RBFA: variants seen among roughly 807,000 people sequenced by gnomAD.
The protein encoded by RBFA is ribosome binding factor A.
In RBFA, 16 loss-of-function variants were observed where a neutral mutation model predicts 27.9. The observed-to-expected ratio is 0.57, with a 90% CI of 0.39 to 0.87. The LOEUF (loss-of-function observed/expected upper bound fraction) is 0.87. Among genes scored for constraint, RBFA ranks in the 40% least tolerant of loss-of-function variants. RBFA has a pLI of 0.00. For missense variants in RBFA, 456 were observed against 432.1 expected (o/e 1.06, Z -0.49); for synonymous variants, 181 against 181.0 (o/e 1.00, Z 0.00).
chr18:80,042,391 A>C (rs147499899), intron 5 of RBFA, among the ~76,000 whole-genome samples, 172 bp downstream of exon 5: 93 of 152,246 alleles, frequency 6.1e-4, no homozygotes, highest in African/African-American at 2.1e-3. Context: ...GGGCCCAGGT[A>C]ATAATTAACT....
chr18:80,039,033 G>A (rs2051999998), intron 4 of RBFA, among the ~76,000 whole-genome samples: 1 of 152,254 alleles, frequency 6.6e-6, no homozygotes, highest in Non-Finnish European at 1.5e-5. Context: ...TCCCAGATGA[G>A]GCTGGACATG....
intron 3 of RBFA, 73 bp from the exon 4 acceptor site, chr18:80,038,432 C>A: frequency 2.8e-6 from 3 of 1,061,976 alleles, no homozygotes; most frequent in East Asian, 2.5e-5. Context: ...CTGTCGTTTT[C>A]ATCTCCTGGA....
chr18:80,038,606 C>G lies in RBFA; in HGVS notation c.480C>G (p.Ala160=). The G allele has an allele frequency of 1.2e-6, 2 of 1,612,452 alleles. No homozygotes were observed. Among genetic ancestry groups the G allele is most frequent in the Non-Finnish European group, 8.5e-7 (1 of 1,178,724 alleles). ...AHMEAVLQRS[A]AHMRHLLMSQ... is the part of the protein sequence containing the mutation. ...TGGAGGCTGTCCTGCAGAGAAGTGC[C>G]GCGCACATGAGGTGATGACCTTTGC... Residue 160 remains alanine (A), a synonymous_variant, in exon 4 of 7, where the codon GCC becomes GCG. Transcript: ENST00000306735.
intron 4 of RBFA, chr18:80,041,191 C>T (rs1200940679): frequency 1.3e-5 from 2 of 152,124 alleles, no homozygotes; most frequent in Admixed American, 6.5e-5. Flanking sequence ...TTAACAAAAG[C>T]AAGAAAATGA....
At chr18:80,037,169 C>T (rs370992984) in intron 2 of RBFA, 161 bp from the exon 3 acceptor site, 240 of 548,652 alleles carry the variant, frequency 4.4e-4, no homozygotes, top group African/African-American at 4.0e-3. Flanking sequence ...AAAAGGATCC[C>T]GGTTTATAAA....
Position 80,048,526 on chromosome 18 carries a change from G to A in RBFA, c.*2371G>A, listed in dbSNP as rs1468234009. On this transcript the variant is annotated 3_prime_UTR_variant, in exon 7 of 7. Coordinates refer to ENST00000306735, the MANE Select transcript of RBFA (RefSeq NM_024805.3). Reference sequence around the variant, plus strand: ...CAGGTCCTTCTAGCACATCTGACAGGGACTAGTGTCTAGAGCCATGAGGAC... The same window carrying A: ...CAGGTCCTTCTAGCACATCTGACAGAGACTAGTGTCTAGAGCCATGAGGAC... 1.3e-5 allele frequency among the ~76,000 whole-genome samples: 2 copies of A among 152,162 alleles called. No homozygotes were observed. The highest frequency in any genetic ancestry group is 1.3e-4 in the Admixed American group (2 of 15,280).
chr18:80,034,668 G>T lies in RBFA; in HGVS notation c.158+15G>T. 6.2e-7 allele frequency: 1 copy of T among 1,607,052 alleles called. No homozygotes were observed. The highest frequency in any genetic ancestry group is 2.3e-5 in the East Asian group (1 of 43,930). On this transcript the variant is annotated intron_variant, in intron 1 of 6. Coordinates refer to ENST00000306735, the MANE Select transcript of RBFA (RefSeq NM_024805.3). Reference sequence around the variant, plus strand: ...TCGAAAACCAAGTAATGCGGCGGGGGCGGTGTCCCTGGGCGCGGTATTCCC... The same window carrying T: ...TCGAAAACCAAGTAATGCGGCGGGGTCGGTGTCCCTGGGCGCGGTATTCCC...
chr18:80,038,083 G>A (rs1235520249), intron 3 of RBFA, among the ~76,000 whole-genome samples: 2 of 152,180 alleles, frequency 1.3e-5, no homozygotes, highest in Admixed American at 1.3e-4. Flanking sequence ...ATAGTAGAAG[G>A]TCTAAGCCTG....
Position 80,047,610 on chromosome 18 carries a change from T to C in RBFA, c.*1455T>C, listed in dbSNP as rs8099633. 0.77 allele frequency among the ~76,000 whole-genome samples: 116,378 copies of C among 152,110 alleles called. 45,187 individuals carry two copies. The highest frequency in any genetic ancestry group is 0.91 in the East Asian group (4,741 of 5,190). On this transcript the variant is annotated 3_prime_UTR_variant, in exon 7 of 7. Transcript: ENST00000306735. ...TCCTATATCAGGATGGGGAGGCCACTACCTCAGGCCAGTTAAACTAAGAAG... is the reference window on the plus strand; with the variant it reads ...TCCTATATCAGGATGGGGAGGCCACCACCTCAGGCCAGTTAAACTAAGAAG...
Position 80,045,847 on chromosome 18 carries a change from GA to G in RBFA, c.725del (p.Glu242GlyfsTer30), listed in dbSNP as rs1568390304. The G allele has an allele frequency of 2.5e-6, 4 of 1,577,264 alleles. No individual in the cohort carries two copies. The South Asian group carries it at 4.8e-5, about 19-fold the overall frequency. On this transcript the variant is annotated frameshift_variant, in exon 7 of 7. Coordinates refer to ENST00000306735, the MANE Select transcript of RBFA (RefSeq NM_024805.3). LOFTEE classifies it low-confidence loss of function (END_TRUNC). ...TSSSLCGIDH[E>X]ALNKQIMEYK... ...CTCCAGTCTGTGTGGGATCGATCAT[GA>G]GGCGCTCAACAAGCAGATTATGGAG...
chr18:80,037,878 G>A (rs1195404678), intron 3 of RBFA, among the ~76,000 whole-genome samples: 1 of 117,406 alleles, frequency 8.5e-6, no homozygotes, highest in Non-Finnish European at 1.9e-5. Flanking sequence ...GACAGAGCGA[G>A]ACTCCATCTC....
intron 4 of RBFA, 46 bp from the exon 5 acceptor site, chr18:80,042,089 G>A: frequency 7.0e-7 from 1 of 1,422,026 alleles, no homozygotes; most frequent in Non-Finnish European, 9.7e-7. Context: ...CCTCTCCACT[G>A]AGTGTCACGG....
Position 80,043,683 on chromosome 18 carries a change from T to G in RBFA, c.577-529T>G, listed in dbSNP as rs539254032. On this transcript the variant is annotated intron_variant, in intron 5 of 6. Coordinates refer to ENST00000306735, the MANE Select transcript of RBFA (RefSeq NM_024805.3). ...ATAGGCAGGCAGGGTTCGGGTGGAA[T>G]GCATTGTCCAGCAGGGCTTGTGGGC... is the stretch of plus-strand genomic sequence containing the variant. Among the ~76,000 whole-genome samples, 3 of 152,310 alleles carry G rather than the reference T, an allele frequency of 2.0e-5. No homozygotes were observed. In the South Asian group the frequency reaches 6.2e-4, roughly 32 times the overall value.
At position 80,044,162 on chromosome 18, in the gene RBFA, A is replaced by C. The variant is rs112813161; in HGVS notation, c.577-50A>C. On this transcript the variant is annotated intron_variant, in intron 5 of 6. Transcript: ENST00000306735. ...TGTTACGTGGAGCCCGGCTGTAAGT[A>C]TGGTGGTGGGGATGTGGCTAACGGG... 329 of 1,466,426 alleles carry C rather than the reference A, an allele frequency of 2.2e-4. 2 individuals are homozygous for C. In the African/African-American group the frequency reaches 3.9e-3, roughly 17 times the overall value. 90.8% of individuals were successfully genotyped at this position (1,466,426 alleles called of 1,614,324 possible).
chr18:80,034,956 C>A (rs1482804151), intron 1 of RBFA: 1 of 346,268 alleles, frequency 2.9e-6, no homozygotes, highest in Non-Finnish European at 5.2e-6. Flanking sequence ...ATAAGAATTT[C>A]CTTGCTAATG....
Position 80,038,623 on chromosome 18 carries a change from G to T in RBFA, c.491+6G>T. 6.2e-7 allele frequency: 1 copy of T among 1,600,518 alleles called. No individual in the cohort carries two copies. The highest frequency in any genetic ancestry group is 1.3e-5 in the African/African-American group (1 of 74,672). ...AGAAGTGCCGCGCACATGAGGTGAT[G>T]ACCTTTGCTTTCTGAATGTACTTGC... On this transcript the variant is annotated splice_donor_region_variant and intron_variant, in intron 4 of 6. Transcript: ENST00000306735.
rs1392350996 is a variant in RBFA, at chr18:80,050,199, A to T, written c.*4044A>T. ...GGGGACAACAGGGCAGGGAGAAGGG[A>T]CAGAGCTAGAGGAAGGACAGGCCTG... is the stretch of plus-strand genomic sequence containing the variant. On this transcript the variant is annotated 3_prime_UTR_variant, in exon 7 of 7. Transcript: ENST00000306735. 1.3e-5 allele frequency among the ~76,000 whole-genome samples: 2 copies of T among 152,128 alleles called. No individual in the cohort carries two copies. Among genetic ancestry groups the T allele is most frequent in the African/African-American group, 4.8e-5 (2 of 41,416 alleles).
At chr18:80,042,561 G>C (rs376185253) in intron 5 of RBFA, among the ~76,000 whole-genome samples, 3 of 152,138 alleles carry the variant, frequency 2.0e-5, no homozygotes, top group African/African-American at 7.2e-5. Context: ...ACAAGGTCAG[G>C]AGTTAGAGAC....
At chr18:80,043,141 A>G (rs1346619511) in intron 5 of RBFA, among the ~76,000 whole-genome samples, 2 of 152,212 alleles carry the variant, frequency 1.3e-5, no homozygotes, top group African/African-American at 4.8e-5. Flanking sequence ...ACATGTAAAT[A>G]TATACTTCTC....
Sources: allele counts gnomAD v4.1 joint callset (sites outside exome capture counted in the v4.1 genomes callset), GRCh38; gene constraint gnomAD v4.1.1; transcripts MANE v1.5; gene names NCBI Gene and HGNC (gene_info 2026-07-23, HGNC 2026-07-21).